Variants in KIF7 observed in about 807,000 individuals in gnomAD.
KIF7 encodes the protein kinesin-like protein KIF7.
A neutral mutation model predicts 135.7 loss-of-function variants in KIF7; 104 were observed. That is an observed-to-expected ratio of 0.77 (90% CI 0.65 to 0.90). The LOEUF is 0.90. Ranked by LOEUF, KIF7 falls within the 40% of genes least tolerant of loss-of-function variation. The pLI, the probability that KIF7 is intolerant of heterozygous loss-of-function variation, is 0.00. For synonymous variants in KIF7, 883 were observed against 809.4 expected, an observed-to-expected ratio of 1.09 and a Z score of -1.54; for missense variants, 2,005 against 1,839.1, an observed-to-expected ratio of 1.09 and a Z score of -1.65.
At chr15:89,640,880 T>C (rs985819941) in intron 11 of KIF7, among the ~76,000 whole-genome samples, 1 of 150,214 alleles carries the variant, frequency 6.7e-6, no homozygotes, top group Non-Finnish European at 1.5e-5. Context: ...CTGCCTGTAG[T>C]GGCACCCCGC....
At chr15:89,622,459 T>A (rs1258640657) in intron 1 of KIF7, among the ~76,000 whole-genome samples, 1 of 152,218 alleles carries the variant, frequency 6.6e-6, no homozygotes, top group African/African-American at 2.4e-5. Context: ...AATGTTCACT[T>A]TGCTTAAAGC....
At chr15:89,639,987 T>C (rs1036160502) in intron 11 of KIF7, among the ~76,000 whole-genome samples, 11 of 152,190 alleles carry the variant, frequency 7.2e-5, no homozygotes, top group African/African-American at 2.4e-4. Context: ...TTCATGTCCT[T>C]TGTAGGGACA....
Position 89,652,587 on chromosome 15 carries a change from G to T in KIF7, c.328+16C>A. The T allele has an allele frequency of 6.7e-7, 1 of 1,497,946 alleles. No homozygotes were observed. Among genetic ancestry groups the T allele is most frequent in the South Asian group, 1.3e-5 (1 of 77,212 alleles). The allele number at this position is 1,497,946 out of a possible 1,614,324, so 92.8% of individuals were successfully genotyped here. A position where few individuals can be genotyped will look rare whatever the true frequency, so the allele number is the denominator to read the frequency against. ...CTCCTTAAAGTGGGCACAGGGCCACGAACAGGGTCACTCACCCACACTGGC... is the reference window on the plus strand; with the variant it reads ...CTCCTTAAAGTGGGCACAGGGCCACTAACAGGGTCACTCACCCACACTGGC... On this transcript the variant is annotated intron_variant, in intron 2 of 18. Coordinates refer to ENST00000394412, the MANE Select transcript of KIF7 (RefSeq NM_198525.3).
At chr15:89,634,168 G>C (rs1963751563) in intron 11 of KIF7, among the ~76,000 whole-genome samples, 1 of 152,124 alleles carries the variant, frequency 6.6e-6, no homozygotes, top group Non-Finnish European at 1.5e-5. Context: ...GTTTGGTGGT[G>C]GGTGCCTCTA....
exon 2 of KIF7, chr15:89,618,108 T>C: frequency 3.2e-6 from 5 of 1,580,802 alleles, no homozygotes; most frequent in Non-Finnish European, 4.3e-6. Context: ...TAAGTGTTAA[T>C]TACAAGTGGT....
At chr15:89,639,036 G>A (rs1191482264) in intron 11 of KIF7, among the ~76,000 whole-genome samples, 8 of 151,886 alleles carry the variant, frequency 5.3e-5, no homozygotes, top group Non-Finnish European at 7.4e-5. Context: ...GAAAAGCAAT[G>A]GGGAAAGGAT....
At chr15:89,644,018 G>A (rs1250724421) in intron 10 of KIF7, among the ~76,000 whole-genome samples, 2 of 151,408 alleles carry the variant, frequency 1.3e-5, no homozygotes, top group East Asian at 3.9e-4. Flanking sequence ...AGGACATGAA[G>A]TCTGGCATGT....
At chr15:89,644,938 C>A in intron 10 of KIF7, 75 bp downstream of exon 10, 2 of 1,569,792 alleles carry the variant, frequency 1.3e-6, no homozygotes, top group South Asian at 2.2e-5. Context: ...TTGTTGAAAT[C>A]CCTCTAGAAC....
chr15:89,627,879 C>T (rs1296043493), downstream of KIF7: 1 of 139,350 alleles, frequency 7.2e-6, no homozygotes, highest in African/African-American at 2.5e-5. Context: ...TCTGAACTGT[C>T]TCTCAGTCTC....
intron 6 of KIF7, 21 bp downstream of exon 6, chr15:89,647,575 A>C (rs991885135): frequency 8.8e-6 from 14 of 1,594,742 alleles, no homozygotes; most frequent in Middle Eastern, 3.3e-4. Flanking sequence ...CCTTCCCCGC[A>C]CTGTGAAGCG....
Position 89,628,508 on chromosome 15 carries a change from G to A in KIF7, c.3943C>T (p.Pro1315Ser), listed in dbSNP as rs149448369. The A allele has an allele frequency of 3.1e-6, 5 of 1,613,034 alleles. No individual in the cohort carries two copies. In the African/African-American group the frequency reaches 5.3e-5, roughly 17 times the overall value. ...TTGGACAAAGGCCCAAAGTTCCAGGGCAGGCCTGCCTCACCCACAGGAAGC... is the reference window on the plus strand; with the variant it reads ...TTGGACAAAGGCCCAAAGTTCCAGGACAGGCCTGCCTCACCCACAGGAAGC... Reference protein sequence around the residue: ...RVLPVGEAGLPWNFGPLSKPR... With the variant: ...RVLPVGEAGLSWNFGPLSKPR... The change falls in exon 19 of 19, where the codon CCC becomes TCC. Residue 1315 changes from proline (P) to serine (S), a missense_variant. By Grantham distance (74) the Pro-to-Ser change is moderately conservative. Coordinates refer to ENST00000394412, the MANE Select transcript of KIF7 (RefSeq NM_198525.3).
rs1435654392 is a variant in KIF7, at chr15:89,652,864, GA to G, written c.66del (p.Arg23AspfsTer159). On this transcript the variant is annotated frameshift_variant, in exon 2 of 19. Coordinates refer to ENST00000394412, the MANE Select transcript of KIF7 (RefSeq NM_198525.3). LOFTEE classifies it high-confidence loss of function. ...EEAPVRVALR[V>X]RPLLPKELLH... ...AGCAGCTCCTTGGGCAGCAGTGGTC[GA>G]ACTCGCAGGGCAACCCGCACTGGGG... 1 of 1,546,394 alleles carries G rather than the reference GA, an allele frequency of 6.5e-7. No individual in the cohort carries two copies. The highest frequency in any genetic ancestry group is 8.7e-7 in the Non-Finnish European group (1 of 1,145,158).
rs558313041 is a variant in KIF7, at chr15:89,631,671, C to T, written c.2935G>A (p.Glu979Lys). 4 of 1,558,944 alleles carry T rather than the reference C, an allele frequency of 2.6e-6. No homozygotes were observed. The South Asian group carries it at 3.5e-5, about 14-fold the overall frequency. ...EDIVRVSSRL[E>K]HLEKELSEKS... ...TCGGACAGCTCCTTCTCCAGGTGCT[C>T]CAGCCGGCTGGACACTCGCACGATG... Residue 979 changes from glutamate (E) to lysine (K), a missense_variant, in exon 15 of 19, where the codon GAG becomes AAG. Physicochemically the swap from Glu to Lys is moderately conservative, Grantham distance 56 (BLOSUM62 1). Coordinates refer to ENST00000394412, the MANE Select transcript of KIF7 (RefSeq NM_198525.3).
At position 89,648,477 on chromosome 15, in the gene KIF7, G is replaced by C. The variant is rs886051535; in HGVS notation, c.1221C>G (p.Ala407=). 5.0e-5 allele frequency: 52 copies of C among 1,044,288 alleles called. No homozygotes were observed. Among genetic ancestry groups the C allele is most frequent in the Admixed American group, 1.1e-4 (2 of 17,518 alleles). The allele number at this position is 1,044,288 out of a possible 1,614,324, so 64.7% of individuals were successfully genotyped here. The change falls in exon 5 of 19, where the codon GCC becomes GCG. Residue 407 remains alanine (A), a synonymous_variant. Coordinates refer to ENST00000394412, the MANE Select transcript of KIF7 (RefSeq NM_198525.3). ...ASAAAAMRLG[A]ECARYRACTD... ...TGCAGGCCCGGTAGCGCGCGCACTC[G>C]GCGCCCAGGCGCATGGCGGCCGCCG...
chr15:89,638,044 A>G (rs1371798475), intron 11 of KIF7, among the ~76,000 whole-genome samples: 36 of 105,648 alleles, frequency 3.4e-4, no homozygotes, highest in African/African-American at 1.2e-3. Context: ...GTAATCCAGC[A>G]TATAAACAGA....
intron 2 of KIF7, 172 bp from the exon 3 acceptor site, chr15:89,650,113 G>A (rs1231039716): frequency 4.6e-6 from 3 of 653,658 alleles, no homozygotes; most frequent in Non-Finnish European, 2.7e-6. Flanking sequence ...ATGCTCCAGC[G>A]TGGTCAGGCA....
rs769689199 is a variant in KIF7 at position 89,628,667 on chromosome 15, GGGTGCGGGGGGCCCCCTC to G, written c.3766_3783del (p.Glu1256_Thr1261del). The G allele has an allele frequency of 2.5e-6, 4 of 1,612,948 alleles. No individual in the cohort carries two copies. Among genetic ancestry groups the G allele is most frequent in the East Asian group, 4.5e-5 (2 of 44,854 alleles). On this transcript the variant is annotated inframe_deletion, in exon 19 of 19. Transcript: ENST00000394412. Reference sequence around the variant, plus strand: ...TGGACCAAGTCCCGCGTCTCCTCCCGGGTGCGGGGGGCCCCCTCAGTGAGGGGGGACAGCCAGAGAAGC... The same window carrying G: ...TGGACCAAGTCCCGCGTCTCCTCCCGAGTGAGGGGGGACAGCCAGAGAAGC...
chr15:89,633,754 G>C lies in KIF7; in HGVS notation c.2524C>G (p.Leu842Val), dbSNP rs767869939. The C allele has an allele frequency of 6.2e-7, 1 of 1,610,070 alleles. No homozygotes were observed. The highest frequency in any genetic ancestry group is 8.5e-7 in the Non-Finnish European group (1 of 1,179,946). ...RQQQGQLQRR[L>V]REETEQKRRL... The stretch of plus-strand genomic sequence containing the variant: ...CGCTTCTGCTCCGTCTCCTCGCGAA[G>C]CCGCCTCTGCAGCTGTCCCTGCTGC... The change falls in exon 12 of 19, where the codon CTT (leucine) becomes GTT (valine). Residue 842 changes from leucine (L) to valine (V), a missense_variant. Physicochemically the swap from Leu to Val is conservative, Grantham distance 32. Coordinates refer to ENST00000394412, the MANE Select transcript of KIF7 (RefSeq NM_198525.3).
At chr15:89,636,237 A>G (rs1963805047) in intron 11 of KIF7, among the ~76,000 whole-genome samples, 1 of 151,900 alleles carries the variant, frequency 6.6e-6, no homozygotes. Context: ...CCAAAATGTA[A>G]AGACCATCGA....
Sources: gnomAD v4.1 joint callset for allele counts (sites outside exome capture counted in the v4.1 genomes callset) on GRCh38, gnomAD v4.1.1 for gene constraint, MANE v1.5 for transcripts, NCBI Gene and HGNC (gene_info 2026-07-23, HGNC 2026-07-21) for gene names.